Variants in NALF1 observed in about 807,000 individuals in gnomAD.
The protein encoded by NALF1 is NALCN channel auxiliary factor 1.
Under a neutral mutation model 48.4 loss-of-function variants are expected in NALF1, and 3 were observed. That is an observed-to-expected ratio of 0.06 (90% CI 0.03 to 0.16). The LOEUF is 0.16. Among genes scored for constraint, NALF1 ranks in the 10% least tolerant of loss-of-function variants. The pLI is 1.00. For missense variants in NALF1, 526 were observed against 571.5 expected, an observed-to-expected ratio of 0.92 and a Z score of 0.81; for synonymous variants, 262 against 245.7, an observed-to-expected ratio of 1.07 and a Z score of -0.62.
At chr13:107,171,245 C>G (rs1009071519) in intron 2 of NALF1, among the ~76,000 whole-genome samples, 27 of 152,204 alleles carry the variant, frequency 1.8e-4, no homozygotes, top group Admixed American at 6.5e-5. Flanking sequence ...ATCGTTTCCT[C>G]TCAGAAGCCT....
At chr13:107,273,771 A>T (rs1229111277) in intron 1 of NALF1, among the ~76,000 whole-genome samples, 4 of 152,134 alleles carry the variant, frequency 2.6e-5, no homozygotes, top group Admixed American at 2.0e-4. Context: ...TATCCATAGA[A>T]CAGAACAGGG....
rs531257824 is a variant in NALF1, at chr13:107,251,394, T to C, written c.916-40639A>G. Among the ~76,000 whole-genome samples the C allele has an allele frequency of 1.3e-3, 200 of 152,282 alleles. 1 individual carries two copies. The highest frequency in any genetic ancestry group is 2.3e-3 in the Non-Finnish European group (158 of 68,026). ...GAATTTTACAAGATGAAAATTTCCA[T>C]TTTTGTCTCAGTTTTAAAAGACACG... is the stretch of plus-strand genomic sequence containing the variant. On this transcript the variant is annotated intron_variant, in intron 1 of 2. Coordinates refer to ENST00000375915, the MANE Select transcript of NALF1 (RefSeq NM_001080396.3).
chr13:107,303,705 T>C (rs1881880749), intron 1 of NALF1, among the ~76,000 whole-genome samples: 1 of 152,188 alleles, frequency 6.6e-6, no homozygotes, highest in Non-Finnish European at 1.5e-5. Flanking sequence ...ATGAATAAAA[T>C]TCACGAAGCA....
intron 1 of NALF1, among the ~76,000 whole-genome samples, chr13:107,717,329 G>A (rs757921924): frequency 9.9e-5 from 15 of 152,120 alleles, no homozygotes; most frequent in South Asian, 2.1e-4. Flanking sequence ...TGAGTATCAC[G>A]TATGGACATA....
At chr13:107,534,170 GAAACTC>G (rs1247319864) in intron 1 of NALF1, among the ~76,000 whole-genome samples, 1 of 152,126 alleles carries the variant, frequency 6.6e-6, no homozygotes, top group Non-Finnish European at 1.5e-5. Context: ...TATGAAATCA[GAAACTC>G]TGCCGTGGTG....
Position 107,772,307 on chromosome 13 carries a change from T to A in NALF1, c.915+93375A>T, listed in dbSNP as rs1877603571. Among the ~76,000 whole-genome samples the A allele has an allele frequency of 3.3e-5, 5 of 152,130 alleles. No individual in the cohort carries two copies. The South Asian group carries it at 1.0e-3, about 32-fold the overall frequency. ...TTTCTTGCGCGAGATCCAAGAACCT[T>A]CTCTTGGGGTCTGGATAGGGACCGC... On this transcript the variant is annotated intron_variant, in intron 1 of 2. Transcript: ENST00000375915.
intron 1 of NALF1, among the ~76,000 whole-genome samples, chr13:107,805,428 G>A (rs1878749134): frequency 6.6e-6 from 1 of 152,158 alleles, no homozygotes. Flanking sequence ...AAGAAGCATA[G>A]ATGATATTTT....
chr13:107,404,412 GA>G (rs901261959), intron 1 of NALF1, among the ~76,000 whole-genome samples: 4 of 151,228 alleles, frequency 2.6e-5, no homozygotes, highest in African/African-American at 7.3e-5. Flanking sequence ...GTTTATATTT[GA>G]AAAAAAATAT....
chr13:107,517,660 C>A (rs113295649), intron 1 of NALF1, among the ~76,000 whole-genome samples: 18,037 of 145,178 alleles, frequency 0.12, 1,199 homozygotes, highest in East Asian at 0.28. Context: ...AACAAACAAA[C>A]AAAAAACACT....
chr13:107,533,422 T>A (rs1169734570), intron 1 of NALF1, among the ~76,000 whole-genome samples: 2 of 152,048 alleles, frequency 1.3e-5, no homozygotes, highest in Non-Finnish European at 2.9e-5. Flanking sequence ...GAAAAGGGCT[T>A]TCAGGTCTCT....
intron 1 of NALF1, among the ~76,000 whole-genome samples, chr13:107,837,679 G>T (rs188107451): frequency 4.1e-5 from 6 of 146,228 alleles, no homozygotes; most frequent in Non-Finnish European, 3.0e-5. Flanking sequence ...TGCCCCACCA[G>T]CTGCGCAGAC....
intron 2 of NALF1, among the ~76,000 whole-genome samples, chr13:107,201,067 G>A (rs1879503569): frequency 6.6e-6 from 1 of 152,116 alleles, no homozygotes; most frequent in South Asian, 2.1e-4. Flanking sequence ...AACTATTTTG[G>A]CTTTTGTCTC....
At chr13:107,373,063 G>A (rs944900689) in intron 1 of NALF1, among the ~76,000 whole-genome samples, 2 of 152,122 alleles carry the variant, frequency 1.3e-5, no homozygotes, top group African/African-American at 2.4e-5. Context: ...ATTAGTTCAT[G>A]TAATTATGTG....
intron 1 of NALF1, among the ~76,000 whole-genome samples, chr13:107,859,839 CAGG>C (rs1336509438): frequency 1.4e-5 from 2 of 143,768 alleles, no homozygotes; most frequent in African/African-American, 5.2e-5. Flanking sequence ...CGCTTGAACT[CAGG>C]AGGAGGAGGT....
At chr13:107,794,908 GTTC>G (rs1175419285) in intron 1 of NALF1, among the ~76,000 whole-genome samples, 4 of 152,058 alleles carry the variant, frequency 2.6e-5, no homozygotes, top group African/African-American at 9.7e-5. Context: ...TTCTGAACAA[GTTC>G]TTCTAACATT....
chr13:107,688,195 T>C (rs1294696904), intron 1 of NALF1, among the ~76,000 whole-genome samples: 1 of 152,180 alleles, frequency 6.6e-6, no homozygotes, highest in Admixed American at 6.5e-5. Context: ...ATGTGCACTT[T>C]ATGGCTATGA....
intron 1 of NALF1, among the ~76,000 whole-genome samples, chr13:107,499,846 A>G (rs1028867785): frequency 6.6e-6 from 1 of 152,068 alleles, no homozygotes; most frequent in Non-Finnish European, 1.5e-5. Context: ...TCCATACCTT[A>G]TGCCTATTAT....
intron 1 of NALF1, among the ~76,000 whole-genome samples, chr13:107,830,635 G>GC (rs1162470170): frequency 6.6e-6 from 1 of 152,172 alleles, no homozygotes; most frequent in Non-Finnish European, 1.5e-5. Flanking sequence ...ATTTCGGGGA[G>GC]CGGGGGGAGG....
At chr13:107,664,401 G>T (rs567151450) in intron 1 of NALF1, among the ~76,000 whole-genome samples, 1 of 152,060 alleles carries the variant, frequency 6.6e-6, no homozygotes, top group African/African-American at 2.4e-5. Flanking sequence ...CTCTTGCTAC[G>T]CTTTCCTCAG....
Sources: allele counts gnomAD v4.1 joint callset (sites outside exome capture counted in the v4.1 genomes callset), GRCh38; gene constraint gnomAD v4.1.1; transcripts MANE v1.5; gene names NCBI Gene and HGNC (gene_info 2026-07-23, HGNC 2026-07-21).